The following USP32 variants were observed in gnomAD, a reference collection of about 807,000 sequenced individuals.
The protein encoded by USP32 is ubiquitin carboxyl-terminal hydrolase 32.
In USP32, 59 loss-of-function variants were observed where a neutral mutation model predicts 204.8. The observed-to-expected ratio is 0.29, with a 90% CI of 0.23 to 0.36. USP32 has a LOEUF of 0.36. USP32 is among the 10% of genes least tolerant of loss of function. The pLI, the probability that USP32 is intolerant of heterozygous loss-of-function variation, is 1.00. For synonymous variants in USP32, 517 were observed against 678.4 expected, an observed-to-expected ratio of 0.76 and a Z score of 3.70; for missense variants, 1,160 against 1,946.4, an observed-to-expected ratio of 0.60 and a Z score of 7.60.
intron 3 of USP32, among the ~76,000 whole-genome samples, chr17:60,298,652 C>T (rs1483910684): frequency 6.6e-6 from 1 of 152,122 alleles, no homozygotes; most frequent in Non-Finnish European, 1.5e-5. Context: ...CCATACCTGT[C>T]CTGTATTTTT....
intron 3 of USP32, among the ~76,000 whole-genome samples, chr17:60,300,531 A>T (rs1313220243): frequency 6.6e-6 from 1 of 152,118 alleles, no homozygotes; most frequent in Non-Finnish European, 1.5e-5. Context: ...AATAAAATTA[A>T]TTTCTGAAGT....
intron 1 of USP32, among the ~76,000 whole-genome samples, chr17:60,355,569 T>A (rs1198119447): frequency 6.6e-6 from 1 of 151,732 alleles, no homozygotes; most frequent in East Asian, 1.9e-4. Context: ...TCCAGAAAAA[T>A]GACTGAGCTG....
intron 15 of USP32, among the ~76,000 whole-genome samples, chr17:60,221,589 C>T (rs61470428): frequency 0.044 from 6,684 of 151,722 alleles, 526 homozygotes; most frequent in African/African-American, 0.15. Context: ...TCACTGCAAC[C>T]TCTGCCTCCT....
chr17:60,359,914 C>T (rs925876901), intron 1 of USP32, among the ~76,000 whole-genome samples: 4 of 149,790 alleles, frequency 2.7e-5, no homozygotes, highest in Non-Finnish European at 5.9e-5. Context: ...GTTGCCCAGG[C>T]TGGAGTACAG....
chr17:60,349,575 A>C (rs2088869783), intron 1 of USP32, among the ~76,000 whole-genome samples: 1 of 32,138 alleles, frequency 3.1e-5, no homozygotes. Flanking sequence ...CTCTGTCTCA[A>C]AAGAAAAAAA....
intron 1 of USP32, among the ~76,000 whole-genome samples, chr17:60,388,980 T>A (rs1380622016): frequency 1.3e-5 from 2 of 152,214 alleles, no homozygotes; most frequent in African/African-American, 4.8e-5. Flanking sequence ...TGGTAATATA[T>A]GCCTATTTTT....
rs541676946 is a variant in USP32, at chr17:60,390,623, C to T, written c.58+1259G>A. On this transcript the variant is annotated intron_variant, in intron 1 of 33. Transcript: ENST00000300896. ...CAATACATCTCAATTCTGTATCTTA[C>T]TGTCAGGTGATGGTCAACTGAACTT... 2.0e-4 allele frequency among the ~76,000 whole-genome samples: 31 copies of T among 152,330 alleles called. No homozygotes were observed. In the South Asian group the frequency reaches 6.2e-3, roughly 31 times the overall value.
intron 1 of USP32, among the ~76,000 whole-genome samples, chr17:60,398,394 C>CA (rs916325888): frequency 3.4e-5 from 5 of 148,808 alleles, no homozygotes; most frequent in African/African-American, 1.2e-4. Flanking sequence ...GACCTTGCCT[C>CA]AAAAAAAGAA....
chr17:60,200,490 G>T (rs2145450459), intron 26 of USP32, among the ~76,000 whole-genome samples: 1 of 152,032 alleles, frequency 6.6e-6, no homozygotes, highest in South Asian at 2.1e-4. Context: ...AACACAGGAG[G>T]CGGAGGTTGC....
At chr17:60,325,972 C>CAAAA in intron 2 of USP32, among the ~76,000 whole-genome samples, 1 of 58,292 alleles carries the variant, frequency 1.7e-5, no homozygotes, top group South Asian at 6.4e-4. Context: ...GACTCTGTCT[C>CAAAA]AAAAAAAAAA....
chr17:60,354,543 A>G (rs1052565946), intron 1 of USP32, among the ~76,000 whole-genome samples: 1 of 152,224 alleles, frequency 6.6e-6, no homozygotes, highest in Non-Finnish European at 1.5e-5. Flanking sequence ...CATATTTGTA[A>G]ATCTGCTTGG....
chr17:60,275,420 G>A (rs930999514), intron 5 of USP32, among the ~76,000 whole-genome samples: 2 of 152,074 alleles, frequency 1.3e-5, no homozygotes, highest in African/African-American at 4.8e-5. Flanking sequence ...TTGCACCACT[G>A]CACTCCAGCC....
At chr17:60,256,725 G>C in intron 9 of USP32, 1 of 1,142,490 alleles carries the variant, frequency 8.8e-7, no homozygotes, top group Non-Finnish European at 1.1e-6. Flanking sequence ...CACGGCAACA[G>C]AAGAACTTCA....
intron 15 of USP32, among the ~76,000 whole-genome samples, chr17:60,220,125 A>G (rs1336259525): frequency 6.6e-6 from 1 of 152,028 alleles, no homozygotes; most frequent in African/African-American, 2.4e-5. Context: ...TACATATTTC[A>G]TGTATATAAA....
intron 28 of USP32, among the ~76,000 whole-genome samples, chr17:60,192,510 C>A (rs1288135073): frequency 2.0e-5 from 3 of 152,142 alleles, no homozygotes; most frequent in Non-Finnish European, 4.4e-5. Context: ...CCTTGGCTCA[C>A]TGGAACCGCT....
At chr17:60,376,531 C>CT (rs1039941418) in intron 1 of USP32, among the ~76,000 whole-genome samples, 20 of 145,304 alleles carry the variant, frequency 1.4e-4, no homozygotes, top group East Asian at 1.2e-3. Context: ...TTTTCCTTTT[C>CT]TTTTTTTTTT....
chr17:60,184,780 A>G (rs572273835), intron 30 of USP32, among the ~76,000 whole-genome samples: 4 of 150,368 alleles, frequency 2.7e-5, no homozygotes, highest in Non-Finnish European at 5.9e-5. Flanking sequence ...ACTGCACTAC[A>G]GCCTGGGTGA....
At chr17:60,286,114 CA>C (rs1254046564) in intron 5 of USP32, among the ~76,000 whole-genome samples, 2 of 121,658 alleles carry the variant, frequency 1.6e-5, no homozygotes, top group East Asian at 4.7e-4. Context: ...CCAGCCCAGG[CA>C]AAAGAGTGAG....
In USP32 at chr17:60,269,550, A is replaced by T; in HGVS notation, c.711T>A (p.Phe237Leu). The stretch of plus-strand genomic sequence containing the variant: ...TGTCACGATTTTCATCAAAAGCATT[A>T]AACAAACCTGTAAAATAGGAAGAGA... Reference protein sequence around the residue: ...PIRPSLSEGLFNAFDENRDNH... With the variant: ...PIRPSLSEGLLNAFDENRDNH... Residue 237 changes from phenylalanine to leucine, a missense_variant, in exon 7 of 34, where the codon TTT (phenylalanine) becomes TTA (leucine). Physicochemically the swap from Phe to Leu is conservative, Grantham distance 22. Around this residue, in one of 8 missense-constraint regions of USP32, gnomAD observed 536 missense variants for 680.9 expected, o/e 0.79. Coordinates refer to ENST00000300896, the MANE Select transcript of USP32 (RefSeq NM_032582.4). 1.2e-6 allele frequency: 2 copies of T among 1,605,340 alleles called. No individual in the cohort carries two copies. Among genetic ancestry groups the T allele is most frequent in the Non-Finnish European group, 1.7e-6 (2 of 1,177,184 alleles).
Sources: allele counts gnomAD v4.1 joint callset (sites outside exome capture counted in the v4.1 genomes callset), GRCh38; gene constraint gnomAD v4.1.1; regional missense constraint gnomAD v4.1.1; transcripts MANE v1.5; gene names NCBI Gene and HGNC (gene_info 2026-07-23, HGNC 2026-07-21).